MIPEP: variants seen among roughly 807,000 people sequenced by gnomAD.
The protein encoded by MIPEP is mitochondrial intermediate peptidase.
Under a neutral mutation model 90.3 loss-of-function variants are expected in MIPEP, and 79 were observed. The observed-to-expected ratio is 0.87, with a 90% CI of 0.73 to 1.05. MIPEP has a LOEUF of 1.05. MIPEP is among the 50% of genes least tolerant of loss of function. The probability of loss-of-function intolerance (pLI) is 0.00; values close to 1 mark genes in which losing one functional copy is unlikely to be tolerated. For synonymous variants in MIPEP, 334 were observed against 315.8 expected, an observed-to-expected ratio of 1.06 and a Z score of -0.61; for missense variants, 940 against 905.6, an observed-to-expected ratio of 1.04 and a Z score of -0.49.
At chr13:23,856,966 T>C (rs1870072587) in intron 10 of MIPEP, among the ~76,000 whole-genome samples, 1 of 151,918 alleles carries the variant, frequency 6.6e-6, no homozygotes, top group African/African-American at 2.4e-5. Context: ...ATTCTAAATA[T>C]TGAGAATTAA....
Position 23,870,052 on chromosome 13 carries a change from G to C in MIPEP, c.747C>G (p.Ile249Met). The change falls in exon 6 of 19, where the codon ATC (isoleucine) becomes ATG (methionine). Residue 249 changes from isoleucine to methionine, a missense_variant. Transcript: ENST00000382172. Reference protein sequence around the residue: ...RRNFTSAGDHIIIDGLHAESP... With the variant: ...RRNFTSAGDHMIIDGLHAESP... Reference sequence around the variant, plus strand: ...ATTCTGCGTGGAGACCATCAATTATGATATGATCCCCAGCAGATGTAAAGT... The same window carrying C: ...ATTCTGCGTGGAGACCATCAATTATCATATGATCCCCAGCAGATGTAAAGT... 6.2e-7 allele frequency: 1 copy of C among 1,609,852 alleles called. No homozygotes were observed. Among genetic ancestry groups the C allele is most frequent in the Non-Finnish European group, 8.5e-7 (1 of 1,177,874 alleles).
intron 1 of MIPEP, chr13:23,888,799 G>A: frequency 9.5e-7 from 1 of 1,048,552 alleles, no homozygotes; most frequent in South Asian, 4.7e-5. Flanking sequence ...CTTTAGCAGG[G>A]GTGCGCCTGA....
intron 16 of MIPEP, among the ~76,000 whole-genome samples, chr13:23,774,873 C>A (rs569504595): frequency 3.3e-4 from 49 of 147,236 alleles, no homozygotes; most frequent in Non-Finnish European, 6.4e-4. Context: ...CGGCTCACTG[C>A]GGCCTCTGCC....
chr13:23,747,403 C>T (rs1484313288), intron 18 of MIPEP: 7 of 358,144 alleles, frequency 2.0e-5, no homozygotes, highest in African/African-American at 4.2e-5. Context: ...TAGCGGACCC[C>T]CTTTCTTCTA....
At chr13:23,811,337 C>G (rs910920624) in intron 14 of MIPEP, among the ~76,000 whole-genome samples, 7 of 152,226 alleles carry the variant, frequency 4.6e-5, no homozygotes, top group African/African-American at 1.7e-4. Context: ...TCTAACATGA[C>G]TGACTCCATC....
chr13:23,873,328 T>C (rs1870917159), intron 5 of MIPEP, among the ~76,000 whole-genome samples: 1 of 152,224 alleles, frequency 6.6e-6, no homozygotes, highest in African/African-American at 2.4e-5. Context: ...AGGAGGATTC[T>C]GGGCAGGAAA....
chr13:23,770,890 C>T lies in MIPEP; in HGVS notation c.1849-10673G>A, dbSNP rs549610342. On this transcript the variant is annotated intron_variant, in intron 16 of 18. Coordinates refer to ENST00000382172, the MANE Select transcript of MIPEP (RefSeq NM_005932.4). Reference sequence around the variant, plus strand: ...CAGCATTGGCCGTGGCAGCGAGGGCCTGCCCTGTGTCTTGTGCGTGCTCAC... The same window carrying T: ...CAGCATTGGCCGTGGCAGCGAGGGCTTGCCCTGTGTCTTGTGCGTGCTCAC... Among the ~76,000 whole-genome samples the T allele has an allele frequency of 5.3e-5, 8 of 152,364 alleles. No individual in the cohort carries two copies. In the South Asian group the frequency reaches 1.7e-3, roughly 32 times the overall value.
At chr13:23,850,238 T>G (rs1042098868) in intron 10 of MIPEP, among the ~76,000 whole-genome samples, 6 of 152,222 alleles carry the variant, frequency 3.9e-5, no homozygotes, top group African/African-American at 1.4e-4. Flanking sequence ...AATGACTAAG[T>G]ATAATTCTCA....
chr13:23,749,505 T>C (rs1952417902), intron 18 of MIPEP, among the ~76,000 whole-genome samples: 1 of 152,244 alleles, frequency 6.6e-6, no homozygotes, highest in Non-Finnish European at 1.5e-5. Context: ...GTGAGTTTCC[T>C]TGTGAAAAAG....
At chr13:23,852,611 T>C (rs1869845002) in intron 10 of MIPEP, among the ~76,000 whole-genome samples, 1 of 152,226 alleles carries the variant, frequency 6.6e-6, no homozygotes, top group African/African-American at 2.4e-5. Flanking sequence ...CCGCCAGTCA[T>C]ATGAAAGCCT....
chr13:23,764,981 C>T (rs1952579264), intron 16 of MIPEP, among the ~76,000 whole-genome samples: 1 of 152,220 alleles, frequency 6.6e-6, no homozygotes, highest in Non-Finnish European at 1.5e-5. Context: ...TCTTGAACAA[C>T]ACAAGTGGAT....
chr13:23,747,374 G>T lies in MIPEP; in HGVS notation c.2044+9171C>A, dbSNP rs536818091. Reference sequence around the variant, plus strand: ...AGAGGTGCTTGACTCTGGCCAGTAAGGACCTATTTGGGAATGGATAGCGGA... The same window carrying T: ...AGAGGTGCTTGACTCTGGCCAGTAATGACCTATTTGGGAATGGATAGCGGA... On this transcript the variant is annotated intron_variant, in intron 18 of 18. Coordinates refer to ENST00000382172, the MANE Select transcript of MIPEP (RefSeq NM_005932.4). Among the ~76,000 whole-genome samples, 5 of 152,294 alleles carry T rather than the reference G, an allele frequency of 3.3e-5. No homozygotes were observed. In the East Asian group the frequency reaches 5.8e-4, roughly 18 times the overall value.
chr13:23,796,289 T>C (rs1024710372), intron 16 of MIPEP, among the ~76,000 whole-genome samples: 1 of 152,062 alleles, frequency 6.6e-6, no homozygotes, highest in African/African-American at 2.4e-5. Flanking sequence ...CGGTGGTGCA[T>C]GCCTGTAATC....
chr13:23,874,594 C>T (rs545184262), intron 5 of MIPEP, among the ~76,000 whole-genome samples: 1 of 152,340 alleles, frequency 6.6e-6, no homozygotes, highest in South Asian at 2.1e-4. Flanking sequence ...CATCCTAATT[C>T]CATGATTATC....
chr13:23,867,316 T>C (rs1231613571), intron 7 of MIPEP, among the ~76,000 whole-genome samples: 3 of 152,162 alleles, frequency 2.0e-5, no homozygotes, highest in Non-Finnish European at 4.4e-5. Context: ...CTCAAGACCT[T>C]AGCACTTGAT....
In MIPEP at chr13:23,807,717, A is replaced by C. The variant is rs185313682; in HGVS notation, c.1729-1648T>G. 1.2e-4 allele frequency among the ~76,000 whole-genome samples: 18 copies of C among 152,358 alleles called. No individual in the cohort carries two copies. In the Middle Eastern group the frequency reaches 0.014, roughly 115 times the overall value. On this transcript the variant is annotated intron_variant, in intron 15 of 18. Transcript: ENST00000382172. ...GTCTTACCTATATTCTAACAGAGTA[A>C]ATTATCAGGAACTGAAACTCTTACA... is the stretch of plus-strand genomic sequence containing the variant.
At chr13:23,796,179 G>A (rs1234557749) in intron 16 of MIPEP, among the ~76,000 whole-genome samples, 5 of 152,100 alleles carry the variant, frequency 3.3e-5, no homozygotes, top group Admixed American at 6.6e-5. Flanking sequence ...AGCACTTTGG[G>A]AGGCCGAGGT....
At chr13:23,830,194 T>C (rs773145697) in intron 14 of MIPEP, among the ~76,000 whole-genome samples, 4 of 152,162 alleles carry the variant, frequency 2.6e-5, no homozygotes, top group Admixed American at 6.5e-5. Context: ...GTGTGCTCCA[T>C]GACAGGAGAA....
At chr13:23,791,097 G>A (rs1005505344) in intron 16 of MIPEP, among the ~76,000 whole-genome samples, 12 of 152,142 alleles carry the variant, frequency 7.9e-5, no homozygotes, top group African/African-American at 2.2e-4. Flanking sequence ...CCAGGCCAGA[G>A]CTCCCTCATG....
Sources: allele counts gnomAD v4.1 joint callset (sites outside exome capture counted in the v4.1 genomes callset), GRCh38; gene constraint gnomAD v4.1.1; transcripts MANE v1.5; gene names NCBI Gene and HGNC (gene_info 2026-07-23, HGNC 2026-07-21).